ROBO2: variants seen among roughly 807,000 people sequenced by gnomAD.
ROBO2 encodes roundabout homolog 2.
In ROBO2, 53 loss-of-function variants were observed where a neutral mutation model predicts 160.8. The observed-to-expected ratio is 0.33, with a 90% CI of 0.26 to 0.41. ROBO2 has a LOEUF of 0.41. Among genes scored for constraint, ROBO2 ranks in the 10% least tolerant of loss-of-function variants. The pLI, the probability that ROBO2 is intolerant of heterozygous loss-of-function variation, is 1.00. For synonymous variants in ROBO2, 664 were observed against 611.7 expected (o/e 1.09, Z -1.26); for missense variants, 1,577 against 1,722.4 (o/e 0.92, Z 1.49).
intron 2 of ROBO2, among the ~76,000 whole-genome samples, chr3:76,489,639 G>T (rs769802867): frequency 6.6e-6 from 1 of 152,146 alleles, no homozygotes; most frequent in African/African-American, 2.4e-5. Flanking sequence ...ATGGCCATTT[G>T]AGTTCAAAAT....
At chr3:77,437,650 C>T (rs2079436612) in intron 2 of ROBO2, among the ~76,000 whole-genome samples, 1 of 151,912 alleles carries the variant, frequency 6.6e-6, no homozygotes. Context: ...TCCTTTATTA[C>T]ATTATTCATC....
At position 76,289,536 on chromosome 3, in the gene ROBO2, T is replaced by G. The variant is rs111252103; in HGVS notation, c.109+351934T>G. 5.0e-3 allele frequency among the ~76,000 whole-genome samples: 754 copies of G among 152,294 alleles called. 7 individuals carry two copies. Among genetic ancestry groups the G allele is most frequent in the African/African-American group, 0.017 (720 of 41,576 alleles). On this transcript the variant is annotated intron_variant, in intron 2 of 26. Coordinates refer to the ROBO2 transcript ENST00000487694. ...AATTATGGTTTTCTTTGCAATTGCT[T>G]TTGGAGTCTTCATCATGAAATCTTT...
intron 2 of ROBO2, among the ~76,000 whole-genome samples, chr3:76,536,772 G>A: frequency 6.6e-6 from 1 of 152,100 alleles, no homozygotes; most frequent in East Asian, 1.9e-4. Context: ...AGTCACTCCA[G>A]GTTAAATTGT....
chr3:76,734,787 A>C (rs2093684222), intron 2 of ROBO2, among the ~76,000 whole-genome samples: 3 of 152,328 alleles, frequency 2.0e-5, no homozygotes, highest in South Asian at 4.1e-4. Context: ...AGAGCCACAT[A>C]AACTAAGATC....
intron 2 of ROBO2, among the ~76,000 whole-genome samples, chr3:76,553,307 G>A (rs1057162566): frequency 2.0e-5 from 3 of 152,124 alleles, no homozygotes; most frequent in African/African-American, 2.4e-5. Context: ...AAGAGATATC[G>A]AATAGCGTGG....
intron 2 of ROBO2, among the ~76,000 whole-genome samples, chr3:76,589,449 G>A (rs1164587852): frequency 1.3e-5 from 2 of 152,034 alleles, no homozygotes; most frequent in Non-Finnish European, 1.5e-5. Flanking sequence ...TACAGGCGCC[G>A]CCACCACGCC....
chr3:75,957,070 A>G (rs4855988), intron 2 of ROBO2, among the ~76,000 whole-genome samples: 66,195 of 151,508 alleles, frequency 0.44, 15,833 homozygotes, highest in South Asian at 0.66. Flanking sequence ...TTATTTTATG[A>G]TAGTGTTGCT....
chr3:76,276,517 CATG>C (rs1442874894), intron 2 of ROBO2, among the ~76,000 whole-genome samples: 2 of 151,938 alleles, frequency 1.3e-5, no homozygotes, highest in Non-Finnish European at 2.9e-5. Context: ...CAAATTATAA[CATG>C]AAACCATATT....
intron 2 of ROBO2, among the ~76,000 whole-genome samples, chr3:76,975,500 G>A (rs927037012): frequency 2.6e-5 from 4 of 152,102 alleles, no homozygotes; most frequent in African/African-American, 9.7e-5. Context: ...GGGAGACTGC[G>A]ACTGTGTCTT....
At chr3:76,239,506 C>T (rs1705162786) in intron 2 of ROBO2, among the ~76,000 whole-genome samples, 2 of 152,138 alleles carry the variant, frequency 1.3e-5, no homozygotes, top group African/African-American at 4.8e-5. Flanking sequence ...TTGGACAGAA[C>T]AGGCTCTGTT....
intron 2 of ROBO2, among the ~76,000 whole-genome samples, chr3:77,472,985 C>T (rs2083506964): frequency 6.6e-6 from 1 of 152,010 alleles, no homozygotes; most frequent in Non-Finnish European, 1.5e-5. Context: ...GACATGGACA[C>T]ACAAGGACTG....
At chr3:76,619,364 C>A (rs1191518749) in intron 2 of ROBO2, among the ~76,000 whole-genome samples, 2 of 151,608 alleles carry the variant, frequency 1.3e-5, no homozygotes, top group Non-Finnish European at 2.9e-5. Flanking sequence ...AAAAAAATAG[C>A]CTCTAGTCTT....
At chr3:76,682,715 C>A (rs957962417) in intron 2 of ROBO2, among the ~76,000 whole-genome samples, 4 of 152,092 alleles carry the variant, frequency 2.6e-5, no homozygotes, top group Admixed American at 2.0e-4. Context: ...CCAAAAATTT[C>A]TTTAAAATTG....
intron 2 of ROBO2, among the ~76,000 whole-genome samples, chr3:77,331,885 T>C (rs1186681571): frequency 6.6e-6 from 1 of 152,116 alleles, no homozygotes; most frequent in Non-Finnish European, 1.5e-5. Context: ...TTTGTATTTT[T>C]AGTAGAGACG....
chr3:76,614,900 C>G (rs2088451266), intron 2 of ROBO2, among the ~76,000 whole-genome samples: 2 of 152,070 alleles, frequency 1.3e-5, no homozygotes, highest in Admixed American at 1.3e-4. Context: ...ACTTCACTTA[C>G]TGGTAAATGC....
At chr3:77,426,882 T>G (rs538197389) in intron 2 of ROBO2, among the ~76,000 whole-genome samples, 20 of 152,252 alleles carry the variant, frequency 1.3e-4, no homozygotes, top group Non-Finnish European at 2.9e-4. Context: ...AAAATACAAA[T>G]AAGATTAACT....
At chr3:77,632,603 C>G (rs1474968760) in intron 23 of ROBO2, 5 of 1,535,568 alleles carry the variant, frequency 3.3e-6, no homozygotes, top group Non-Finnish European at 4.4e-6. Context: ...GCACTGGTGG[C>G]AGCAGCAGAT....
intron 2 of ROBO2, among the ~76,000 whole-genome samples, chr3:76,326,467 T>C (rs2073030590): frequency 6.6e-6 from 1 of 152,198 alleles, no homozygotes; most frequent in Non-Finnish European, 1.5e-5. Context: ...ATGTACATAC[T>C]AGTAAATATA....
intron 2 of ROBO2, among the ~76,000 whole-genome samples, chr3:76,872,586 T>C (rs2072233137): frequency 1.3e-5 from 2 of 152,176 alleles, no homozygotes; most frequent in Middle Eastern, 3.4e-3. Context: ...TGTAGACTTA[T>C]TTGTTAGGCT....
Sources: allele counts gnomAD v4.1 joint callset (sites outside exome capture counted in the v4.1 genomes callset), GRCh38; gene constraint gnomAD v4.1.1; transcripts MANE v1.5; gene names NCBI Gene and HGNC (gene_info 2026-07-23, HGNC 2026-07-21).